ASAP2: variants seen among roughly 807,000 people sequenced by gnomAD.
The protein encoded by ASAP2 is arf-GAP with SH3 domain, ANK repeat and PH domain-containing protein 2.
In ASAP2, 45 loss-of-function variants were observed where a neutral mutation model predicts 131.4. The ratio of observed to expected loss-of-function variants is 0.34; its 90% CI spans 0.27 to 0.44. The LOEUF is 0.44. Among genes scored for constraint, ASAP2 ranks in the 20% least tolerant of loss-of-function variants. The pLI is 1.00. For missense variants in ASAP2, 1,011 were observed against 1,297.0 expected, an observed-to-expected ratio of 0.78 and a Z score of 3.39; for synonymous variants, 510 against 503.0, an observed-to-expected ratio of 1.01 and a Z score of -0.19.
At chr2:9,287,227 G>A (rs1183587520) in intron 2 of ASAP2, among the ~76,000 whole-genome samples, 2 of 152,248 alleles carry the variant, frequency 1.3e-5, no homozygotes, top group African/African-American at 2.4e-5. Flanking sequence ...AACACCCTAC[G>A]TGCCACCTGG....
chr2:9,329,490 A>C (rs1670692352), intron 7 of ASAP2, among the ~76,000 whole-genome samples: 1 of 152,214 alleles, frequency 6.6e-6, no homozygotes, highest in Non-Finnish European at 1.5e-5. Flanking sequence ...ATGAAAAGGC[A>C]AAACAGTGAT....
chr2:9,334,942 G>A lies in ASAP2; in HGVS notation c.762+129G>A, dbSNP rs180981041. 71 of 1,342,676 alleles carry A rather than the reference G, an allele frequency of 5.3e-5. No individual in the cohort carries two copies. In the East Asian group the frequency reaches 1.3e-3, roughly 25 times the overall value. The allele number at this position is 1,342,676 out of a possible 1,614,324, so 83.2% of individuals were successfully genotyped here. ...CCCACGTGGAGTGTGGCGTTCCCACGCCTGTCCTCTGTCTTGGTGGGAGGG... is the reference window on the plus strand; with the variant it reads ...CCCACGTGGAGTGTGGCGTTCCCACACCTGTCCTCTGTCTTGGTGGGAGGG... On this transcript the variant is annotated intron_variant, in intron 8 of 27. Coordinates refer to ENST00000281419, the MANE Select transcript of ASAP2 (RefSeq NM_003887.3).
chr2:9,218,099 G>A (rs1302951046), intron 1 of ASAP2, among the ~76,000 whole-genome samples: 2 of 152,132 alleles, frequency 1.3e-5, no homozygotes, highest in African/African-American at 4.8e-5. Context: ...ATTTGATAGA[G>A]TAAGAATCCC....
intron 3 of ASAP2, among the ~76,000 whole-genome samples, chr2:9,306,402 G>A (rs1340179918): frequency 6.6e-6 from 1 of 151,800 alleles, no homozygotes; most frequent in Non-Finnish European, 1.5e-5. Flanking sequence ...CCTCAGGGAC[G>A]TTTCCCAGAC....
chr2:9,404,021 T>C lies in ASAP2; in HGVS notation c.*694T>C, dbSNP rs1346045781. The C allele has an allele frequency of 6.6e-6, 1 of 152,252 alleles. No homozygotes were observed. Among genetic ancestry groups the C allele is most frequent in the Non-Finnish European group, 1.5e-5 (1 of 68,034 alleles). The allele number at this position is 152,252 out of a possible 1,614,324, so 9.4% of individuals were successfully genotyped here. A position where few individuals can be genotyped will look rare whatever the true frequency, so the allele number is the denominator to read the frequency against. On this transcript the variant is annotated 3_prime_UTR_variant, in exon 28 of 28. Transcript: ENST00000281419. Reference sequence around the variant, plus strand: ...CATTCTGTTCCAGGTTATATAAAACTGCATTTCCTGAATTTGGTTAAAAAC... The same window carrying C: ...CATTCTGTTCCAGGTTATATAAAACCGCATTTCCTGAATTTGGTTAAAAAC...
chr2:9,305,853 A>G (rs369015012), intron 3 of ASAP2, among the ~76,000 whole-genome samples: 4 of 131,758 alleles, frequency 3.0e-5, no homozygotes, highest in East Asian at 5.5e-4. Context: ...GGGTATAGAT[A>G]TTGGTGTAGA....
Position 9,380,795 on chromosome 2 carries a change from A to T in ASAP2, c.2003A>T (p.His668Leu), listed in dbSNP as rs1425929546. 1 of 1,614,122 alleles carries T rather than the reference A, an allele frequency of 6.2e-7. No individual in the cohort carries two copies. The highest frequency in any genetic ancestry group is 8.5e-7 in the Non-Finnish European group (1 of 1,180,024). The change falls in exon 20 of 28, where the codon CAC becomes CTC. Residue 668 changes from histidine (H) to leucine (L), a missense_variant. His to Leu is a moderately conservative substitution (Grantham distance 99). Transcript: ENST00000281419. ...LDIAKRLKHE[H>L]CEELLTQALS... ...ATTGCCAAGCGCCTCAAGCACGAGC[A>T]CTGTGAGGAGCTGGTGAGTCTCCCA...
intron 20 of ASAP2, 110 bp downstream of exon 20, chr2:9,380,918 A>G (rs1674789571): frequency 1.7e-6 from 2 of 1,182,764 alleles, no homozygotes; most frequent in African/African-American, 1.5e-5. Flanking sequence ...AGCAGAGCTC[A>G]GTGTTTCTGA....
At position 9,323,257 on chromosome 2, in the gene ASAP2, C is replaced by T. The variant is rs1670262812; in HGVS notation, c.600+7C>T. ...CCAGCTACAGATGTGCGAGGTAAGG[C>T]GGTGGTGAAGGCAGGTCCTACAGCC... On this transcript the variant is annotated splice_region_variant and intron_variant, in intron 6 of 27. Transcript: ENST00000281419. 2 of 1,613,862 alleles carry T rather than the reference C, an allele frequency of 1.2e-6. No homozygotes were observed. The highest frequency in any genetic ancestry group is 2.2e-5 in the East Asian group (1 of 44,888).
chr2:9,380,725 C>T lies in ASAP2; in HGVS notation c.1949-16C>T, dbSNP rs546418211. Reference sequence around the variant, plus strand: ...GTTTTGCCTTAACGCCTCCTTTGCTCGCCCTTGAATTTTAGCAAACGAGTC... The same window carrying T: ...GTTTTGCCTTAACGCCTCCTTTGCTTGCCCTTGAATTTTAGCAAACGAGTC... On this transcript the variant is annotated splice_polypyrimidine_tract_variant and intron_variant, in intron 19 of 27. Transcript: ENST00000281419. 48 of 1,613,996 alleles carry T rather than the reference C, an allele frequency of 3.0e-5. No individual in the cohort carries two copies. The East Asian group carries it at 7.4e-4, about 25-fold the overall frequency.
intron 2 of ASAP2, among the ~76,000 whole-genome samples, chr2:9,288,510 G>A (rs1200466521): frequency 6.6e-6 from 1 of 152,132 alleles, no homozygotes; most frequent in Non-Finnish European, 1.5e-5. Flanking sequence ...CATCACTGTG[G>A]TGAGCGTGGG....
intron 1 of ASAP2, among the ~76,000 whole-genome samples, chr2:9,233,200 G>C (rs868334299): frequency 6.6e-6 from 1 of 152,202 alleles, no homozygotes; most frequent in Non-Finnish European, 1.5e-5. Context: ...AGTGATCGAT[G>C]TCTGTGTGAC....
At chr2:9,338,585 A>G (rs1224254157) in intron 9 of ASAP2, among the ~76,000 whole-genome samples, 11 of 152,112 alleles carry the variant, frequency 7.2e-5, no homozygotes, top group Non-Finnish European at 1.6e-4. Flanking sequence ...TCTGGCCTCC[A>G]TGTCACCCTC....
intron 2 of ASAP2, among the ~76,000 whole-genome samples, chr2:9,284,533 A>T (rs551835959): frequency 6.6e-6 from 1 of 152,210 alleles, no homozygotes; most frequent in Non-Finnish European, 1.5e-5. Context: ...CGATTATTTT[A>T]CCTTTCTGAG....
chr2:9,267,657 G>C (rs1666031128), intron 1 of ASAP2, among the ~76,000 whole-genome samples: 1 of 152,044 alleles, frequency 6.6e-6, no homozygotes, highest in Admixed American at 6.6e-5. Context: ...AGCACTTTGG[G>C]AGGTCAAGGT....
chr2:9,368,560 T>C (rs1407992575), intron 16 of ASAP2, 41 bp downstream of exon 16: 2 of 1,575,002 alleles, frequency 1.3e-6, no homozygotes, highest in African/African-American at 1.3e-5. Flanking sequence ...TGAGTAAAGG[T>C]TTGCCTTTGC....
chr2:9,211,414 C>G (rs987696534), intron 1 of ASAP2, among the ~76,000 whole-genome samples: 1 of 151,322 alleles, frequency 6.6e-6, no homozygotes, highest in African/African-American at 2.4e-5. Context: ...TTTCTTCGAG[C>G]CTCTGGGCAC....
intron 9 of ASAP2, among the ~76,000 whole-genome samples, chr2:9,340,982 G>C (rs889564390): frequency 6.6e-6 from 1 of 152,148 alleles, no homozygotes; most frequent in Non-Finnish European, 1.5e-5. Context: ...GCATACTCAG[G>C]CACACAAACA....
At chr2:9,371,330 A>G (rs1427794102) in intron 16 of ASAP2, among the ~76,000 whole-genome samples, 1 of 152,210 alleles carries the variant, frequency 6.6e-6, no homozygotes, top group Non-Finnish European at 1.5e-5. Context: ...ACTTCATAGT[A>G]TACTCAGGCA....
Sources: gnomAD v4.1 joint callset for allele counts (sites outside exome capture counted in the v4.1 genomes callset) on GRCh38, gnomAD v4.1.1 for gene constraint, MANE v1.5 for transcripts, NCBI Gene and HGNC (gene_info 2026-07-23, HGNC 2026-07-21) for gene names.